STPG2: variants seen among roughly 807,000 people sequenced by gnomAD.
STPG2 encodes the protein sperm tail PG-rich repeat containing 2, also known as sperm-tail PG-rich repeat-containing protein 2.
STPG2 carries 56 observed loss-of-function variants against 54.2 expected under a neutral mutation model. The observed-to-expected ratio is 1.03, with a 90% CI of 0.83 to 1.29. The LOEUF (loss-of-function observed/expected upper bound fraction) is 1.29, where lower values mean the gene tolerates loss of function less well. Among genes scored for constraint, STPG2 ranks in the 50% most tolerant of loss-of-function variants. The pLI is 0.00. For synonymous variants in STPG2, 200 were observed against 181.8 expected, an observed-to-expected ratio of 1.10 and a Z score of -0.81; for missense variants, 596 against 544.9, an observed-to-expected ratio of 1.09 and a Z score of -0.93.
intron 8 of STPG2, among the ~76,000 whole-genome samples, chr4:97,877,749 C>G (rs999064253): frequency 6.6e-6 from 1 of 152,108 alleles, no homozygotes; most frequent in Non-Finnish European, 1.5e-5. Context: ...TATCATTCCA[C>G]CCCTGGCCCC....
At chr4:97,783,255 A>T (rs1348938669) in intron 9 of STPG2, among the ~76,000 whole-genome samples, 1 of 152,214 alleles carries the variant, frequency 6.6e-6, no homozygotes, top group Non-Finnish European at 1.5e-5. Flanking sequence ...CGCATCAAAA[A>T]GTGGCCAAAG....
rs553951662 is a variant in STPG2, at chr4:97,638,030, C to T, written c.1320+74669G>A. Among the ~76,000 whole-genome samples, 474 of 152,066 alleles carry T rather than the reference C, an allele frequency of 3.1e-3. 6 individuals are homozygous for T. Among genetic ancestry groups the T allele is most frequent in the African/African-American group, 0.011 (439 of 41,440 alleles). ...TATGGAACCAAAAAAGAGCCCGCAT[C>T]GCCAAGTCAATCCTAAGCCAAAAGA... is the stretch of plus-strand genomic sequence containing the variant. On this transcript the variant is annotated intron_variant, in intron 10 of 10. Coordinates refer to ENST00000295268, the MANE Select transcript of STPG2 (RefSeq NM_174952.3).
At chr4:97,850,686 G>A (rs1029356791) in intron 8 of STPG2, among the ~76,000 whole-genome samples, 3 of 151,918 alleles carry the variant, frequency 2.0e-5, no homozygotes, top group Non-Finnish European at 2.9e-5. Context: ...AACTATAAAA[G>A]CCTTTTCTGA....
intron 10 of STPG2, among the ~76,000 whole-genome samples, chr4:97,567,008 T>C (rs1578394536): frequency 6.6e-6 from 1 of 151,870 alleles, no homozygotes; most frequent in East Asian, 1.9e-4. Context: ...ATTGTGCACA[T>C]GTACCCTAAA....
intron 10 of STPG2, among the ~76,000 whole-genome samples, chr4:97,602,387 T>G (rs1205370649): frequency 2.6e-5 from 4 of 151,764 alleles, no homozygotes; most frequent in Non-Finnish European, 5.9e-5. Flanking sequence ...ATAGACCTAT[T>G]CCATACCAAT....
At chr4:97,878,619 G>C (rs1462735221) in intron 8 of STPG2, among the ~76,000 whole-genome samples, 1 of 152,142 alleles carries the variant, frequency 6.6e-6, no homozygotes, top group East Asian at 1.9e-4. Context: ...CAAGTCCCTA[G>C]GCACACAGAG....
intron 3 of STPG2, among the ~76,000 whole-genome samples, chr4:98,115,379 T>C (rs1020191309): frequency 6.6e-5 from 10 of 152,034 alleles, no homozygotes; most frequent in Admixed American, 1.3e-4. Flanking sequence ...AGATTTCTAA[T>C]AGTTACCTGG....
chr4:97,577,423 C>A (rs1732750739), intron 10 of STPG2, among the ~76,000 whole-genome samples: 1 of 152,092 alleles, frequency 6.6e-6, no homozygotes, highest in African/African-American at 2.4e-5. Context: ...AAAAAAATCA[C>A]ACTTTTTGCA....
intron 3 of STPG2, among the ~76,000 whole-genome samples, chr4:98,122,612 G>A (rs111835166): frequency 0.011 from 1,746 of 152,262 alleles, 28 homozygotes; most frequent in African/African-American, 0.04. Flanking sequence ...TTGCATCAAT[G>A]CTCATCAGGG....
chr4:97,583,018 T>G (rs1343551705), intron 10 of STPG2, among the ~76,000 whole-genome samples: 1 of 152,070 alleles, frequency 6.6e-6, no homozygotes, highest in East Asian at 1.9e-4. Flanking sequence ...TTCTTGACAT[T>G]ACTGATGAAA....
intron 8 of STPG2, among the ~76,000 whole-genome samples, chr4:97,906,122 G>A (rs1408749733): frequency 6.6e-6 from 1 of 151,848 alleles, no homozygotes; most frequent in Non-Finnish European, 1.5e-5. Flanking sequence ...CCGCTAGCAA[G>A]ACTAATAAGG....
intron 10 of STPG2, among the ~76,000 whole-genome samples, chr4:97,652,028 C>T (rs1293372851): frequency 6.6e-6 from 1 of 151,650 alleles, no homozygotes; most frequent in Non-Finnish European, 1.5e-5. Flanking sequence ...AACTGCACTG[C>T]CTGACATATA....
intron 9 of STPG2, among the ~76,000 whole-genome samples, chr4:97,732,669 A>T (rs1578515663): frequency 6.6e-6 from 1 of 152,208 alleles, no homozygotes; most frequent in African/African-American, 2.4e-5. Flanking sequence ...GATGGGAGAA[A>T]ATATTTGCAA....
At chr4:98,048,534 C>T (rs546412542) in intron 5 of STPG2, 40 of 172,374 alleles carry the variant, frequency 2.3e-4, no homozygotes, top group Non-Finnish European at 2.7e-4. Flanking sequence ...CTGTCTCCTC[C>T]GCTTGCTTTC....
At chr4:97,593,809 G>A (rs1388016558) in intron 10 of STPG2, among the ~76,000 whole-genome samples, 3 of 152,120 alleles carry the variant, frequency 2.0e-5, no homozygotes, top group African/African-American at 4.8e-5. Flanking sequence ...AATGCAGAAG[G>A]TTCACAACCT....
intron 8 of STPG2, among the ~76,000 whole-genome samples, chr4:97,886,713 C>T (rs964899826): frequency 6.6e-6 from 1 of 152,136 alleles, no homozygotes; most frequent in African/African-American, 2.4e-5. Context: ...TCTTTCATAT[C>T]AACTAATTTG....
chr4:97,692,181 T>C (rs571420186), intron 10 of STPG2, among the ~76,000 whole-genome samples: 1 of 151,002 alleles, frequency 6.6e-6, no homozygotes, highest in South Asian at 2.1e-4. Flanking sequence ...AAAACCAAGA[T>C]GAAATTTCTG....
At chr4:97,937,903 G>T (rs1431851817) in intron 8 of STPG2, among the ~76,000 whole-genome samples, 1 of 152,208 alleles carries the variant, frequency 6.6e-6, no homozygotes, top group East Asian at 1.9e-4. Flanking sequence ...AAGCCCTTTG[G>T]CTGTCGCTTG....
intron 5 of STPG2, among the ~76,000 whole-genome samples, chr4:98,004,604 A>G (rs1735516533): frequency 6.6e-6 from 1 of 152,210 alleles, no homozygotes; most frequent in African/African-American, 2.4e-5. Context: ...TGTTCCTAAC[A>G]ACAACATATA....
Sources: allele counts gnomAD v4.1 joint callset (sites outside exome capture counted in the v4.1 genomes callset), GRCh38; gene constraint gnomAD v4.1.1; transcripts MANE v1.5; gene names NCBI Gene and HGNC (gene_info 2026-07-23, HGNC 2026-07-21).